VKORC1L1: variants seen among roughly 807,000 people sequenced by gnomAD.
The protein encoded by VKORC1L1 is vitamin K epoxide reductase complex subunit 1-like protein 1.
A neutral mutation model predicts 18.9 loss-of-function variants in VKORC1L1; 2 were observed. The observed-to-expected ratio is 0.11, with a 90% CI of 0.04 to 0.33. The LOEUF is 0.33. Among genes scored for constraint, VKORC1L1 ranks in the 10% least tolerant of loss-of-function variants. The pLI is 1.00. For missense variants in VKORC1L1, 123 were observed against 224.1 expected, an observed-to-expected ratio of 0.55 and a Z score of 2.88; for synonymous variants, 96 against 100.0, an observed-to-expected ratio of 0.96 and a Z score of 0.24.
At position 65,955,371 on chromosome 7, in the gene VKORC1L1, G is replaced by A. The variant is rs1037922377; in HGVS notation, c.*1071G>A. The A allele has an allele frequency of 6.6e-6, 1 of 152,176 alleles. No individual in the cohort carries two copies. The highest frequency in any genetic ancestry group is 2.4e-5 in the African/African-American group (1 of 41,436). 9.4% of individuals were successfully genotyped at this position (152,176 alleles called of 1,614,324 possible). A position where few individuals can be genotyped will look rare whatever the true frequency, so the allele number is the denominator to read the frequency against. On this transcript the variant is annotated 3_prime_UTR_variant, in exon 3 of 3. Transcript: ENST00000360768. ...TTCTTTCTGCACTAACCACTCAGAT[G>A]TCTAATTTAATTGTTTTGCAGTCAA...
At chr7:65,929,703 T>TATATATATATATAC in intron 1 of VKORC1L1, among the ~76,000 whole-genome samples, 1 of 144,594 alleles carries the variant, frequency 6.9e-6, no homozygotes, top group African/African-American at 2.5e-5. Flanking sequence ...TATATATATA[T>TATATATATATATAC]GGTTTTTTTT....
At chr7:65,939,935 C>T (rs541850360) in intron 1 of VKORC1L1, among the ~76,000 whole-genome samples, 4 of 152,236 alleles carry the variant, frequency 2.6e-5, no homozygotes, top group African/African-American at 9.6e-5. Flanking sequence ...TTTTTGCACC[C>T]ATGCTGTTGA....
At chr7:65,934,373 T>C (rs1262534805) in intron 1 of VKORC1L1, among the ~76,000 whole-genome samples, 2 of 152,344 alleles carry the variant, frequency 1.3e-5, no homozygotes, top group East Asian at 3.9e-4. Flanking sequence ...CAAATACTTA[T>C]TTTTTGTGGT....
At chr7:65,949,182 T>C (rs1790171472) in intron 2 of VKORC1L1, among the ~76,000 whole-genome samples, 1 of 152,162 alleles carries the variant, frequency 6.6e-6, no homozygotes, top group Admixed American at 6.6e-5. Flanking sequence ...TCTTCTGCTT[T>C]TAAAAATAAT....
intron 1 of VKORC1L1, among the ~76,000 whole-genome samples, chr7:65,878,686 C>T (rs1181112102): frequency 9.2e-5 from 14 of 152,190 alleles, no homozygotes; most frequent in Admixed American, 2.0e-4. Context: ...GGGCGGATCA[C>T]GAGGTCGGGA....
At chr7:65,886,800 G>T (rs1789019780) in intron 1 of VKORC1L1, among the ~76,000 whole-genome samples, 2 of 146,314 alleles carry the variant, frequency 1.4e-5, no homozygotes, top group South Asian at 4.3e-4. Context: ...GCCTCCCAGA[G>T]TGCTGGGATT....
At chr7:65,865,906 G>T in the VKORC1L1 span, among the ~76,000 whole-genome samples, 1 of 151,724 alleles carries the variant, frequency 6.6e-6, no homozygotes, top group African/African-American at 2.4e-5. Flanking sequence ...AGGATCACGA[G>T]GTCAAGAGAT....
chr7:65,924,696 T>C (rs1308511321), intron 1 of VKORC1L1, among the ~76,000 whole-genome samples: 1 of 152,238 alleles, frequency 6.6e-6, no homozygotes, highest in African/African-American at 2.4e-5. Context: ...GTACACTTCA[T>C]GGTAAACTTT....
chr7:65,925,508 G>A (rs1789747258), intron 1 of VKORC1L1, among the ~76,000 whole-genome samples: 1 of 152,144 alleles, frequency 6.6e-6, no homozygotes. Context: ...TAGGTACTTG[G>A]TGTATTTAGT....
chr7:65,917,298 C>G (rs1789605006), intron 1 of VKORC1L1, among the ~76,000 whole-genome samples: 1 of 152,142 alleles, frequency 6.6e-6, no homozygotes, highest in Non-Finnish European at 1.5e-5. Flanking sequence ...CTTCATTGTT[C>G]TTCTAGGTTT....
intron 2 of VKORC1L1, among the ~76,000 whole-genome samples, chr7:65,950,579 G>T (rs1262007945): frequency 6.6e-6 from 1 of 151,968 alleles, no homozygotes; most frequent in Non-Finnish European, 1.5e-5. Context: ...TCTTGCAGAA[G>T]TAGAAAGATG....
intron 1 of VKORC1L1, among the ~76,000 whole-genome samples, chr7:65,887,437 A>C (rs566711481): frequency 3.7e-4 from 57 of 152,114 alleles, no homozygotes; most frequent in African/African-American, 1.3e-3. Flanking sequence ...ACACACTGGC[A>C]CAGTGAGTGG....
intron 1 of VKORC1L1, among the ~76,000 whole-genome samples, chr7:65,875,860 A>G (rs1788819025): frequency 6.6e-6 from 1 of 152,210 alleles, no homozygotes; most frequent in Non-Finnish European, 1.5e-5. Flanking sequence ...TTAACAGACA[A>G]AGATTCTGAA....
intron 1 of VKORC1L1, among the ~76,000 whole-genome samples, chr7:65,921,948 A>G (rs1271438943): frequency 6.6e-6 from 1 of 152,114 alleles, no homozygotes; most frequent in Non-Finnish European, 1.5e-5. Context: ...TGGCCTCCCA[A>G]CGTGCTGTGA....
At chr7:65,878,455 A>T (rs73142137) in intron 1 of VKORC1L1, among the ~76,000 whole-genome samples, 16,857 of 152,072 alleles carry the variant, frequency 0.11, 1,093 homozygotes, top group Middle Eastern at 0.2. Flanking sequence ...CTTACAAAAA[A>T]AAAAAAGAAC....
intron 1 of VKORC1L1, among the ~76,000 whole-genome samples, chr7:65,927,112 C>T (rs528258196): frequency 6.6e-6 from 1 of 152,020 alleles, no homozygotes; most frequent in Non-Finnish European, 1.5e-5. Flanking sequence ...CATGGTGAAA[C>T]CCCATCTCTA....
At position 65,888,108 on chromosome 7, in the gene VKORC1L1, T is replaced by A. The variant is rs190785376; in HGVS notation, c.194+14543T>A. 1.9e-3 allele frequency among the ~76,000 whole-genome samples: 286 copies of A among 152,346 alleles called. 3 individuals carry two copies. Among genetic ancestry groups the A allele is most frequent in the African/African-American group, 6.7e-3 (279 of 41,570 alleles). ...CTGTGTGTGTATGTGTCTGTGTGTGTGAGATGCAATTTGTGTGGTGCTAGA... is the reference window on the plus strand; with the variant it reads ...CTGTGTGTGTATGTGTCTGTGTGTGAGAGATGCAATTTGTGTGGTGCTAGA... On this transcript the variant is annotated intron_variant, in intron 1 of 2. Coordinates refer to ENST00000360768, the MANE Select transcript of VKORC1L1 (RefSeq NM_173517.6).
rs1790334871 is a variant in VKORC1L1 at position 65,958,266 on chromosome 7, T to A, written c.*3966T>A. ...AAGGTGAAATATTTTGTTATAAAAC[T>A]GTATTAAGCATGGCCTAAGTATTTA... On this transcript the variant is annotated 3_prime_UTR_variant, in exon 3 of 3. Coordinates refer to ENST00000360768, the MANE Select transcript of VKORC1L1 (RefSeq NM_173517.6). 1 of 152,246 alleles carries A rather than the reference T, an allele frequency of 6.6e-6. No homozygotes were observed. The highest frequency in any genetic ancestry group is 1.5e-5 in the Non-Finnish European group (1 of 68,050). The allele number at this position is 152,246 out of a possible 1,614,324, so 9.4% of individuals were successfully genotyped here.
At chr7:65,938,425 G>A (rs1583861087) in intron 1 of VKORC1L1, among the ~76,000 whole-genome samples, 1 of 152,072 alleles carries the variant, frequency 6.6e-6, no homozygotes, top group East Asian at 1.9e-4. Context: ...AAATTAGAGG[G>A]CCAACATTTG....
Sources: allele counts gnomAD v4.1 joint callset (sites outside exome capture counted in the v4.1 genomes callset), GRCh38; gene constraint gnomAD v4.1.1; transcripts MANE v1.5; gene names NCBI Gene and HGNC (gene_info 2026-07-23, HGNC 2026-07-21).